Variants in PPP1R12A observed in about 807,000 individuals in gnomAD.
PPP1R12A encodes protein phosphatase 1 regulatory subunit 12A.
In PPP1R12A, 19 loss-of-function variants were observed where a neutral mutation model predicts 139.6. That is an observed-to-expected ratio of 0.14 (90% CI 0.09 to 0.20). The LOEUF is 0.20. Among genes scored for constraint, PPP1R12A ranks in the 10% least tolerant of loss-of-function variants. The pLI, the probability that PPP1R12A is intolerant of heterozygous loss-of-function variation, is 1.00. For synonymous variants in PPP1R12A, 427 were observed against 420.6 expected (o/e 1.02, Z -0.19); for missense variants, 925 against 1,211.5 (o/e 0.76, Z 3.51).
At chr12:79,894,881 C>T (rs1884992581) in intron 1 of PPP1R12A, among the ~76,000 whole-genome samples, 1 of 152,180 alleles carries the variant, frequency 6.6e-6, no homozygotes, top group South Asian at 2.1e-4. Flanking sequence ...GTCCGCCTTT[C>T]GTCTTGCTTT....
At chr12:79,808,129 AT>A (rs1431301319) in intron 11 of PPP1R12A, among the ~76,000 whole-genome samples, 5 of 152,178 alleles carry the variant, frequency 3.3e-5, no homozygotes, top group Non-Finnish European at 5.9e-5. Context: ...TTTAAACAAT[AT>A]TTAAACAAAA....
At chr12:79,928,984 T>C (rs1326808768) in intron 1 of PPP1R12A, among the ~76,000 whole-genome samples, 1 of 152,220 alleles carries the variant, frequency 6.6e-6, no homozygotes, top group Admixed American at 6.5e-5. Flanking sequence ...TGGAACTAAT[T>C]CTACTTTGTA....
chr12:79,848,368 T>A lies in PPP1R12A; in HGVS notation c.369-2948A>T, dbSNP rs556770795. 1.1e-4 allele frequency among the ~76,000 whole-genome samples: 17 copies of A among 152,282 alleles called. No homozygotes were observed. The East Asian group carries it at 3.3e-3, about 29-fold the overall frequency. On this transcript the variant is annotated intron_variant, in intron 2 of 24. Transcript: ENST00000450142. ...AGGCAAAATTCCAAACAATTAGGAA[T>A]ATTTACATAAAAATACATCTATTCT...
rs573966230 is a variant in PPP1R12A at position 79,897,036 on chromosome 12, A to C, written c.238-24098T>G. 8.5e-5 allele frequency among the ~76,000 whole-genome samples: 13 copies of C among 152,328 alleles called. No individual in the cohort carries two copies. In the South Asian group the frequency reaches 2.7e-3, roughly 32 times the overall value. ...ATCCAGCAACCCCATTGCTGGGTCT[A>C]TACCCCAAAGAAAACAAATTGTTCT... On this transcript the variant is annotated intron_variant, in intron 1 of 24. Transcript: ENST00000450142.
At position 79,801,712 on chromosome 12, in the gene PPP1R12A, C is replaced by T. The variant is rs190325306; in HGVS notation, c.2001-3128G>A. Among the ~76,000 whole-genome samples the T allele has an allele frequency of 2.6e-3, 392 of 152,242 alleles. 1 individual carries two copies. Among genetic ancestry groups the T allele is most frequent in the Non-Finnish European group, 4.5e-3 (306 of 68,006 alleles). On this transcript the variant is annotated intron_variant, in intron 14 of 24. Transcript: ENST00000450142. ...ATGACACTATTCTTAGCATTCACCTCCTTAGACAATTAACCCTAAGATGAC... is the reference window on the plus strand; with the variant it reads ...ATGACACTATTCTTAGCATTCACCTTCTTAGACAATTAACCCTAAGATGAC...
chr12:79,817,457 A>G lies in PPP1R12A; in HGVS notation c.1176T>C (p.Pro392=), dbSNP rs1014104134. The G allele has an allele frequency of 1.2e-5, 20 of 1,610,010 alleles. No homozygotes were observed. The African/African-American group carries it at 2.7e-4, about 22-fold the overall frequency. Residue 392 remains proline (P), a synonymous_variant, in exon 9 of 25, where the codon CCT becomes CCC. Transcript: ENST00000450142. ...NANTSSTQAA[P]VAVTTPTVSS... Reference sequence around the variant, plus strand: ...ACACAGTAGGTGTTGTAACAGCTACAGGAGCTGCTTGTGTACTAGAAGTGT... The same window carrying G: ...ACACAGTAGGTGTTGTAACAGCTACGGGAGCTGCTTGTGTACTAGAAGTGT...
In PPP1R12A at chr12:79,896,013, T is replaced by A. The variant is rs200714627; in HGVS notation, c.238-23075A>T. On this transcript the variant is annotated intron_variant, in intron 1 of 24. Transcript: ENST00000450142. ...TGAAGGTTAAAACAATTTTTTTTTT[T>A]AAAAGAGGAGTAGTATATCAAATAG... Among the ~76,000 whole-genome samples the A allele has an allele frequency of 6.0e-5, 8 of 133,080 alleles. No homozygotes were observed. In the East Asian group the frequency reaches 6.9e-4, roughly 11 times the overall value. The allele number at this position is 133,080 out of a possible 152,430, so 87.3% of individuals were successfully genotyped here. A position where few individuals can be genotyped will look rare whatever the true frequency, so the allele number is the denominator to read the frequency against.
intron 1 of PPP1R12A, among the ~76,000 whole-genome samples, chr12:79,919,487 G>A (rs1283001797): frequency 1.3e-5 from 2 of 151,344 alleles, no homozygotes; most frequent in African/African-American, 4.9e-5. Context: ...CCTGGGAGGT[G>A]GAAGTTGCAG....
At chr12:79,853,029 C>A (rs970128208) in intron 2 of PPP1R12A, among the ~76,000 whole-genome samples, 4 of 152,162 alleles carry the variant, frequency 2.6e-5, no homozygotes, top group Non-Finnish European at 5.9e-5. Flanking sequence ...ATTAAAGTCC[C>A]AACTCTGTAC....
chr12:79,778,797 C>T (rs1870055410), intron 23 of PPP1R12A, 197 bp from the exon 24 acceptor site: 1 of 381,122 alleles, frequency 2.6e-6, no homozygotes, highest in Non-Finnish European at 4.7e-6. Context: ...CCTTAGAGTA[C>T]AAGCTCTTAA....
chr12:79,932,364 T>C (rs927990518), intron 1 of PPP1R12A, among the ~76,000 whole-genome samples: 10 of 152,298 alleles, frequency 6.6e-5, no homozygotes, highest in Middle Eastern at 3.4e-3. Context: ...CCTGTTTTCA[T>C]AGTAACAATG....
chr12:79,828,517 C>A (rs1877055307), intron 4 of PPP1R12A, 53 bp from the exon 5 acceptor site: 2 of 1,371,240 alleles, frequency 1.5e-6, no homozygotes, highest in Non-Finnish European at 2.0e-6. Context: ...AATAAATGAT[C>A]ATGATCAAAA....
Position 79,821,127 on chromosome 12 carries a change from C to G in PPP1R12A, c.907G>C (p.Glu303Gln), listed in dbSNP as rs1335581653. 6.2e-7 allele frequency: 1 copy of G among 1,613,240 alleles called. No homozygotes were observed. The highest frequency in any genetic ancestry group is 1.7e-5 in the Admixed American group (1 of 59,982). ...TTATTGTCCATATTTGCTGTTGATT[C>G]AATTAGTGGAGATTTCTTGTCCCGT... ...EKRDKKSPLI[E>Q]STANMDNNQS... The change falls in exon 7 of 25, where the codon GAA becomes CAA. Residue 303 changes from glutamate (E) to glutamine (Q), a missense_variant. This residue lies in a region of PPP1R12A where 403 missense variants were observed against 463.7 expected (regional missense o/e 0.87). Coordinates refer to ENST00000450142, the MANE Select transcript of PPP1R12A (RefSeq NM_002480.3).
chr12:79,859,931 T>G (rs916383439), intron 2 of PPP1R12A, among the ~76,000 whole-genome samples: 1 of 151,908 alleles, frequency 6.6e-6, no homozygotes, highest in South Asian at 2.1e-4. Flanking sequence ...CCAACAAAAT[T>G]CTATGAGCAT....
intron 1 of PPP1R12A, among the ~76,000 whole-genome samples, chr12:79,902,217 TAGTA>T (rs570115886): frequency 9.2e-5 from 14 of 152,304 alleles, no homozygotes; most frequent in African/African-American, 2.2e-4. Flanking sequence ...ATCAAATCTA[TAGTA>T]AGTGTTTCTA....
intron 1 of PPP1R12A, among the ~76,000 whole-genome samples, chr12:79,926,578 G>C (rs1198226441): frequency 6.6e-6 from 1 of 152,054 alleles, no homozygotes; most frequent in Non-Finnish European, 1.5e-5. Context: ...TTTTTTATTA[G>C]GACATTTTAA....
At chr12:79,920,737 C>T (rs535765357) in intron 1 of PPP1R12A, among the ~76,000 whole-genome samples, 5 of 152,284 alleles carry the variant, frequency 3.3e-5, no homozygotes, top group East Asian at 1.9e-4. Context: ...TTATCACACT[C>T]GGCCCCCTCA....
intron 1 of PPP1R12A, among the ~76,000 whole-genome samples, chr12:79,920,146 G>C (rs1887326558): frequency 1.3e-5 from 2 of 152,134 alleles, no homozygotes; most frequent in Non-Finnish European, 2.9e-5. Flanking sequence ...TTTTGTGACT[G>C]GCTTCTTTCA....
chr12:79,912,472 G>A (rs905175812), intron 1 of PPP1R12A, among the ~76,000 whole-genome samples: 3 of 151,964 alleles, frequency 2.0e-5, no homozygotes, highest in Non-Finnish European at 2.9e-5. Flanking sequence ...CGGGAGGATC[G>A]CTTGAGCCCA....
Sources: gnomAD v4.1 joint callset for allele counts (sites outside exome capture counted in the v4.1 genomes callset) on GRCh38, gnomAD v4.1.1 for gene constraint, gnomAD v4.1.1 regional missense constraint, MANE v1.5 for transcripts, NCBI Gene and HGNC (gene_info 2026-07-23, HGNC 2026-07-21) for gene names.